Variants in DTD2 observed in about 807,000 individuals in gnomAD.
DTD2 encodes the protein D-aminoacyl-tRNA deacylase 2, also known as D-tyrosyl-tRNA deacylase 2 (putative).
In DTD2, 12 loss-of-function variants were observed where a neutral mutation model predicts 15.5. The ratio of observed to expected loss-of-function variants is 0.77; its 90% confidence interval spans 0.50 to 1.25. The LOEUF (loss-of-function observed/expected upper bound fraction) is 1.25. DTD2 is among the 50% of genes most tolerant of loss of function. DTD2 has a pLI of 0.00. For missense variants in DTD2, 170 were observed against 201.1 expected, an observed-to-expected ratio of 0.85 and a Z score of 0.93; for synonymous variants, 59 against 77.3, an observed-to-expected ratio of 0.76 and a Z score of 1.24.
Position 31,449,910 on chromosome 14 carries a change from G to A in DTD2, c.182-1456C>T, listed in dbSNP as rs532715963. ...TAATCTGGTAAAAACCTGCCAAGGC[G>A]AACACCCAAATGAATTCCTAAGCTA... On this transcript the variant is annotated intron_variant, in intron 2 of 2. Coordinates refer to ENST00000310850, the MANE Select transcript of DTD2 (RefSeq NM_080664.3). Among the ~76,000 whole-genome samples, 303 of 152,306 alleles carry A rather than the reference G, an allele frequency of 2.0e-3. 2 individuals are homozygous for A. Among genetic ancestry groups the A allele is most frequent in the African/African-American group, 7.0e-3 (290 of 41,564 alleles).
At position 31,448,147 on chromosome 14, in the gene DTD2, T is replaced by A. The variant is rs375376661; in HGVS notation, c.489A>T (p.Thr163=). ...VLKLDTNGPF[T]HLIEF ...TTCATTTTCAAAACTCAATTAAGTG[T>A]GTGAATGGTCCGTTGGTGTCCAGCT... Residue 163 remains threonine (T), a synonymous_variant, in exon 3 of 3, where the codon ACA becomes ACT. Transcript: ENST00000310850. 1 of 1,608,912 alleles carries A rather than the reference T, an allele frequency of 6.2e-7. No homozygotes were observed. Among genetic ancestry groups the A allele is most frequent in the African/African-American group, 1.3e-5 (1 of 74,656 alleles).
At position 31,453,301 on chromosome 14, in the gene DTD2, G is replaced by T; in HGVS notation, c.155C>A (p.Ala52Asp). The stretch of plus-strand genomic sequence containing the variant: ...CATTTTGGGAAGAAGTTCTTTATCA[G>T]CTCCCTTGAAAAAGCACACGTAGAT... ...LVIYVCFFKG[A>D]DKELLPKMVN... The change falls in exon 2 of 3, where the codon GCT becomes GAT. Residue 52 changes from alanine to aspartate, a missense_variant. By Grantham distance (126) the Ala-to-Asp change is moderately radical (BLOSUM62 -2). Transcript: ENST00000310850. 4 of 1,613,796 alleles carry T rather than the reference G, an allele frequency of 2.5e-6. No homozygotes were observed. In the East Asian group the frequency reaches 8.9e-5, roughly 36 times the overall value.
intron 1 of DTD2, among the ~76,000 whole-genome samples, chr14:31,454,619 G>A (rs1321373746): frequency 1.3e-5 from 2 of 152,144 alleles, no homozygotes; most frequent in East Asian, 1.9e-4. Flanking sequence ...CACATGCAAT[G>A]TCAGAAATAA....
intron 2 of DTD2, among the ~76,000 whole-genome samples, chr14:31,451,352 G>A (rs577222406): frequency 2.5e-4 from 38 of 152,058 alleles, no homozygotes; most frequent in African/African-American, 9.2e-4. Flanking sequence ...GTTTCACCAT[G>A]TTAGCCAGGA....
chr14:31,454,998 G>C (rs1345147884), intron 1 of DTD2, among the ~76,000 whole-genome samples: 5 of 152,140 alleles, frequency 3.3e-5, no homozygotes, highest in Non-Finnish European at 5.9e-5. Context: ...TAAGAAGAAA[G>C]AATTTACATT....
Position 31,457,263 on chromosome 14 carries a change from A to T in DTD2, c.111+20T>A. Reference sequence around the variant, plus strand: ...GCCCCGCACGCCGGAGGATAACGAGAGCTGCCGGGCTGACGTTACCTCCAC... The same window carrying T: ...GCCCCGCACGCCGGAGGATAACGAGTGCTGCCGGGCTGACGTTACCTCCAC... On this transcript the variant is annotated intron_variant, in intron 1 of 2. Coordinates refer to ENST00000310850, the MANE Select transcript of DTD2 (RefSeq NM_080664.3). 1 of 1,551,018 alleles carries T rather than the reference A, an allele frequency of 6.4e-7. No individual in the cohort carries two copies. Among genetic ancestry groups the T allele is most frequent in the Non-Finnish European group, 8.7e-7 (1 of 1,147,800 alleles).
chr14:31,451,462 T>TC (rs71115010), intron 2 of DTD2, among the ~76,000 whole-genome samples: 3 of 150,058 alleles, frequency 2.0e-5, no homozygotes, highest in Non-Finnish European at 3.0e-5. Flanking sequence ...TCTCTCTCTC[T>TC]TTTTTTTTCT....
chr14:31,448,514 C>T (rs2031990718), intron 2 of DTD2, 60 bp from the exon 3 acceptor site: 4 of 1,464,986 alleles, frequency 2.7e-6, no homozygotes, highest in South Asian at 1.4e-5. Context: ...AGAAAACCAT[C>T]AAGTTTTTAG....
intron 2 of DTD2, chr14:31,452,580 T>C (rs2032049313): frequency 6.6e-6 from 1 of 152,204 alleles, no homozygotes; most frequent in Admixed American, 6.5e-5. Context: ...CAATTTAACA[T>C]TGTGCTTCTT....
rs1046267788 is a variant in DTD2 at position 31,447,413 on chromosome 14, C to A, written c.*716G>T. ...TGCTGAAGTTTACCTAATTTTAATACAAATAGTTATTTTTATTACATGCTA... is the reference window on the plus strand; with the variant it reads ...TGCTGAAGTTTACCTAATTTTAATAAAAATAGTTATTTTTATTACATGCTA... On this transcript the variant is annotated 3_prime_UTR_variant, in exon 3 of 3. Transcript: ENST00000310850. 3.3e-5 allele frequency: 5 copies of A among 152,082 alleles called. No homozygotes were observed. Among genetic ancestry groups the A allele is most frequent in the African/African-American group, 9.7e-5 (4 of 41,410 alleles). The allele number at this position is 152,082 out of a possible 1,614,324, so 9.4% of individuals were successfully genotyped here.
intron 2 of DTD2, chr14:31,453,019 C>T: frequency 3.2e-6 from 1 of 308,112 alleles, no homozygotes; most frequent in Non-Finnish European, 6.1e-6. Context: ...CTCACTGCAG[C>T]CTCGACCTCC....
intron 1 of DTD2, among the ~76,000 whole-genome samples, chr14:31,455,960 A>G (rs994020003): frequency 5.3e-5 from 8 of 152,264 alleles, no homozygotes; most frequent in Non-Finnish European, 1.0e-4. Context: ...AAAAATAAGA[A>G]ATAAGAAAAG....
chr14:31,448,033 G>A lies in DTD2; in HGVS notation c.*96C>T. The A allele has an allele frequency of 9.1e-7, 1 of 1,098,554 alleles. No individual in the cohort carries two copies. The highest frequency in any genetic ancestry group is 1.3e-6 in the Non-Finnish European group (1 of 763,446). The allele number at this position is 1,098,554 out of a possible 1,614,324, so 68.1% of individuals were successfully genotyped here. ...CAAGATTTTCCTGTCTAAAAATGCT[G>A]AAGATTAGTATATTCAAGATTAAGG... On this transcript the variant is annotated 3_prime_UTR_variant, in exon 3 of 3. Coordinates refer to ENST00000310850, the MANE Select transcript of DTD2 (RefSeq NM_080664.3).
chr14:31,455,641 G>T (rs1471006633), intron 1 of DTD2, among the ~76,000 whole-genome samples: 2 of 151,058 alleles, frequency 1.3e-5, no homozygotes, highest in African/African-American at 4.9e-5. Flanking sequence ...GAGTGCAGTG[G>T]CGTGATCTTG....
Position 31,448,088 on chromosome 14 carries a change from T to C in DTD2, c.*41A>G. 1 of 1,475,158 alleles carries C rather than the reference T, an allele frequency of 6.8e-7. No homozygotes were observed. The allele number at this position is 1,475,158 out of a possible 1,614,324, so 91.4% of individuals were successfully genotyped here. Reference sequence around the variant, plus strand: ...GAAAATCTAATTATACTTTAGATCATTTCATACCAGAAAACAGCTATAGAA... The same window carrying C: ...GAAAATCTAATTATACTTTAGATCACTTCATACCAGAAAACAGCTATAGAA... On this transcript the variant is annotated 3_prime_UTR_variant, in exon 3 of 3. Transcript: ENST00000310850.
At chr14:31,455,972 G>C (rs1396450123) in intron 1 of DTD2, among the ~76,000 whole-genome samples, 1 of 152,166 alleles carries the variant, frequency 6.6e-6, no homozygotes. Context: ...TAAGAAAAGT[G>C]AATTTCTGGG....
In DTD2 at chr14:31,457,416, G is replaced by A; in HGVS notation, c.-23C>T. The A allele has an allele frequency of 5.5e-6, 8 of 1,456,452 alleles. No individual in the cohort carries two copies. Among genetic ancestry groups the A allele is most frequent in the African/African-American group, 1.4e-5 (1 of 69,418 alleles). The allele number at this position is 1,456,452 out of a possible 1,614,324, so 90.2% of individuals were successfully genotyped here. ...CATGGCTTAAGCCAGCGCCGCGGCC[G>A]GACAGTTACTAGGCCATGTGTCGCT... On this transcript the variant is annotated 5_prime_UTR_variant, in exon 1 of 3. Transcript: ENST00000310850.
chr14:31,452,407 T>C (rs150148671), intron 2 of DTD2: 3 of 152,370 alleles, frequency 2.0e-5, no homozygotes, highest in African/African-American at 7.2e-5. Flanking sequence ...ACTGTGTGTA[T>C]GTGTATGTGT....
At chr14:31,456,212 G>C (rs985571108) in intron 1 of DTD2, among the ~76,000 whole-genome samples, 1 of 152,042 alleles carries the variant, frequency 6.6e-6, no homozygotes, top group Non-Finnish European at 1.5e-5. Flanking sequence ...GGCCAAAATG[G>C]CGAAACCCCG....
Sources: allele counts gnomAD v4.1 joint callset (sites outside exome capture counted in the v4.1 genomes callset), GRCh38; gene constraint gnomAD v4.1.1; transcripts MANE v1.5; gene names NCBI Gene and HGNC (gene_info 2026-07-23, HGNC 2026-07-21).